The following PCDH15 variants were observed in gnomAD, a reference collection of about 807,000 sequenced individuals.
PCDH15 encodes the protein protocadherin-15.
Under a neutral mutation model 178.5 loss-of-function variants are expected in PCDH15, and 129 were observed. That is an observed-to-expected ratio of 0.72 (90% CI 0.63 to 0.84). The LOEUF is 0.84. Among genes scored for constraint, PCDH15 ranks in the 40% least tolerant of loss-of-function variants. PCDH15 has a pLI of 0.00. For synonymous variants in PCDH15, 800 were observed against 732.0 expected (o/e 1.09, Z -1.50); for missense variants, 2,230 against 2,099.9 (o/e 1.06, Z -1.21).
At chr10:55,136,432 A>T (rs908118665) in intron 2 of PCDH15, among the ~76,000 whole-genome samples, 1 of 152,058 alleles carries the variant, frequency 6.6e-6, no homozygotes, top group South Asian at 2.1e-4. Context: ...CCGCCTATGG[A>T]TATTTAAAAA....
chr10:54,227,963 T>C (rs1260448438), intron 9 of PCDH15, among the ~76,000 whole-genome samples: 3 of 152,206 alleles, frequency 2.0e-5, no homozygotes, highest in African/African-American at 7.2e-5. Flanking sequence ...AATATCATTA[T>C]CAGCATTTTG....
intron 2 of PCDH15, chr10:54,600,431 A>G: frequency 1.7e-6 from 1 of 577,836 alleles, no homozygotes; most frequent in Non-Finnish European, 3.4e-6. Context: ...GTCACCAATG[A>G]CCTAGACTTA....
At chr10:54,571,937 C>G (rs1426328905) in intron 2 of PCDH15, among the ~76,000 whole-genome samples, 1 of 152,048 alleles carries the variant, frequency 6.6e-6, no homozygotes, top group East Asian at 1.9e-4. Context: ...AGTTGAAGAA[C>G]AGTGGTTAAT....
intron 21 of PCDH15, among the ~76,000 whole-genome samples, chr10:53,991,744 G>C (rs1180454033): frequency 6.6e-6 from 1 of 152,020 alleles, no homozygotes; most frequent in Non-Finnish European, 1.5e-5. Context: ...GAACTTTTAT[G>C]TCTAGCTAGA....
At chr10:53,820,752 T>C (rs894476256) in intron 32 of PCDH15, among the ~76,000 whole-genome samples, 10 of 152,026 alleles carry the variant, frequency 6.6e-5, no homozygotes, top group African/African-American at 9.7e-5. Flanking sequence ...GGGACATAGA[T>C]AGTATCTAGC....
At chr10:54,520,780 C>A (rs1589860040) in intron 3 of PCDH15, among the ~76,000 whole-genome samples, 1 of 150,364 alleles carries the variant, frequency 6.7e-6, no homozygotes, top group Non-Finnish European at 1.5e-5. Flanking sequence ...TTTATTGCGG[C>A]ATTATTCACA....
At chr10:54,448,585 A>C (rs1463555690) in intron 3 of PCDH15, among the ~76,000 whole-genome samples, 2 of 151,670 alleles carry the variant, frequency 1.3e-5, no homozygotes, top group African/African-American at 4.8e-5. Context: ...TGGAAACCAT[A>C]ATCAGAACTG....
upstream of PCDH15, among the ~76,000 whole-genome samples, chr10:55,323,523 T>G (rs113841108): frequency 0.012 from 1,819 of 152,300 alleles, 50 homozygotes; most frequent in African/African-American, 0.042. Flanking sequence ...CTTGCATCAG[T>G]GTGACCTGGA....
In PCDH15 at chr10:55,169,899, CATAA is replaced by C. The variant is rs913466498; in HGVS notation, c.-155-3252_-155-3249del. 4.9e-4 allele frequency among the ~76,000 whole-genome samples: 75 copies of C among 151,986 alleles called. No individual in the cohort carries two copies. In the Middle Eastern group the frequency reaches 0.017, roughly 34 times the overall value. ...AATAATAAGAAGATTTACCTTTCTA[CATAA>C]ATAATGTTATTAACCATTAGTAGAC... is the stretch of plus-strand genomic sequence containing the variant. On this transcript the variant is annotated intron_variant, in intron 1 of 5. Transcript: ENST00000458638.
chr10:55,481,322 T>C (rs74578892), intron 2 of PCDH15, among the ~76,000 whole-genome samples: 5,997 of 151,830 alleles, frequency 0.039, 371 homozygotes, highest in East Asian at 0.29. Context: ...GTTTTTAGTG[T>C]CCCTGTCTCC....
chr10:55,412,879 T>TCACACACACACACA (rs71014485), intron 2 of PCDH15, among the ~76,000 whole-genome samples: 4 of 134,744 alleles, frequency 3.0e-5, no homozygotes, highest in Admixed American at 1.6e-4. Flanking sequence ...TCAACAATAA[T>TCACACACACACACA]CACACACACA....
intron 1 of PCDH15, among the ~76,000 whole-genome samples, chr10:55,310,086 T>A (rs145746558): frequency 6.6e-6 from 1 of 152,310 alleles, no homozygotes; most frequent in East Asian, 1.9e-4. Context: ...ACTAAATATC[T>A]TCTAGGAGAA....
intron 20 of PCDH15, among the ~76,000 whole-genome samples, chr10:54,007,223 G>C (rs2092417249): frequency 6.6e-6 from 1 of 152,136 alleles, no homozygotes; most frequent in South Asian, 2.1e-4. Context: ...TGTAAGGCTA[G>C]TTATCACTCT....
At chr10:54,375,897 A>AT (rs200674493) in intron 4 of PCDH15, among the ~76,000 whole-genome samples, 12,506 of 138,914 alleles carry the variant, frequency 0.09, 647 homozygotes, top group Middle Eastern at 0.18. Flanking sequence ...ATATATATAT[A>AT]ATTTTTTTTC....
At chr10:53,929,391 A>T (rs1286651974) in intron 25 of PCDH15, among the ~76,000 whole-genome samples, 3 of 152,110 alleles carry the variant, frequency 2.0e-5, no homozygotes, top group Non-Finnish European at 2.9e-5. Flanking sequence ...TGTTAATGAT[A>T]TTATCGTGTT....
At chr10:54,974,100 C>A in intron 2 of PCDH15, among the ~76,000 whole-genome samples, 1 of 150,908 alleles carries the variant, frequency 6.6e-6, no homozygotes, top group Non-Finnish European at 1.5e-5. Flanking sequence ...CACACACATA[C>A]AGACACACAC....
intron 21 of PCDH15, among the ~76,000 whole-genome samples, chr10:53,977,984 T>C (rs556263860): frequency 1.3e-5 from 2 of 152,312 alleles, no homozygotes; most frequent in Non-Finnish European, 2.9e-5. Flanking sequence ...ACTACCCTTA[T>C]GGCTTTGCAG....
At chr10:54,538,619 A>G (rs1044407775) in intron 2 of PCDH15, among the ~76,000 whole-genome samples, 4 of 152,060 alleles carry the variant, frequency 2.6e-5, no homozygotes, top group African/African-American at 4.8e-5. Context: ...CTAACCTCCA[A>G]TGTTGGAGGA....
At chr10:53,885,074 ACTTT>A (rs1179466040) in intron 26 of PCDH15, among the ~76,000 whole-genome samples, 4 of 152,134 alleles carry the variant, frequency 2.6e-5, no homozygotes, top group African/African-American at 9.7e-5. Flanking sequence ...GCCATTCAGA[ACTTT>A]CTATCAATAC....
Sources: gnomAD v4.1 joint callset for allele counts (sites outside exome capture counted in the v4.1 genomes callset) on GRCh38, gnomAD v4.1.1 for gene constraint, MANE v1.5 for transcripts, NCBI Gene and HGNC (gene_info 2026-07-23, HGNC 2026-07-21) for gene names.